Variants in OXR1 observed in about 807,000 individuals in gnomAD.
OXR1 encodes the protein oxidation resistance protein 1.
OXR1 carries 41 observed loss-of-function variants against 104.6 expected under a neutral mutation model. The observed-to-expected ratio is 0.39, with a 90% CI of 0.31 to 0.51. The LOEUF (loss-of-function observed/expected upper bound fraction) is 0.51, where lower values mean the gene tolerates loss of function less well. Among genes scored for constraint, OXR1 ranks in the 20% least tolerant of loss-of-function variants. OXR1 has a pLI of 0.77. For missense variants in OXR1, 955 were observed against 1,031.9 expected, an observed-to-expected ratio of 0.93 and a Z score of 1.02; for synonymous variants, 348 against 348.4, an observed-to-expected ratio of 1.00 and a Z score of 0.01.
chr8:106,710,601 CTGTT>C lies in OXR1; in HGVS notation c.1625-18_1625-15del, dbSNP rs770853389. 1.3e-6 allele frequency: 2 copies of C among 1,515,690 alleles called. No homozygotes were observed. The highest frequency in any genetic ancestry group is 1.8e-6 in the Non-Finnish European group (2 of 1,126,470). 93.9% of individuals were successfully genotyped at this position (1,515,690 alleles called of 1,614,324 possible). A position where few individuals can be genotyped will look rare whatever the true frequency, so the allele number is the denominator to read the frequency against. ...TTGGTGTGTGAGAATTGAATAAACA[CTGTT>C]TGCATCTCAATTCTAGGTTCTGCAC... On this transcript the variant is annotated splice_polypyrimidine_tract_variant and intron_variant, in intron 9 of 16. Coordinates refer to ENST00000517566, the MANE Select transcript of OXR1 (RefSeq NM_001198533.2).
intron 2 of OXR1, among the ~76,000 whole-genome samples, chr8:106,503,820 A>C (rs1259305515): frequency 6.6e-6 from 1 of 152,164 alleles, no homozygotes; most frequent in Non-Finnish European, 1.5e-5. Flanking sequence ...CAAGAATCTT[A>C]GTTCTCTTCT....
At chr8:106,474,128 GT>G (rs1196447950) in intron 2 of OXR1, among the ~76,000 whole-genome samples, 34 of 136,852 alleles carry the variant, frequency 2.5e-4, no homozygotes, top group Admixed American at 3.0e-4. Flanking sequence ...CTAAAGTTTT[GT>G]TTTTTTTTTT....
chr8:106,656,821 TAAA>T (rs79415263), intron 3 of OXR1, among the ~76,000 whole-genome samples: 3 of 118,792 alleles, frequency 2.5e-5, no homozygotes. Context: ...GTCAACCAGT[TAAA>T]AAAAAAAAAA....
chr8:106,567,737 G>T (rs971288766), intron 3 of OXR1, among the ~76,000 whole-genome samples: 22 of 152,088 alleles, frequency 1.4e-4, no homozygotes, highest in Non-Finnish European at 8.8e-5. Context: ...ACCAAATAAA[G>T]GTAATGAAAA....
rs1248033680 is a variant in OXR1, at chr8:106,462,262, A to G, written c.24-56681A>G. 2.6e-5 allele frequency among the ~76,000 whole-genome samples: 4 copies of G among 152,276 alleles called. No individual in the cohort carries two copies. The East Asian group carries it at 7.7e-4, about 29-fold the overall frequency. ...ATTTATGTATTCACATTCCTATAAT[A>G]GTTTTTATTAAACTTTAAAAGTTAC... On this transcript the variant is annotated intron_variant, in intron 2 of 16. Transcript: ENST00000517566.
chr8:106,604,684 A>C (rs1001371719), intron 3 of OXR1: 5 of 152,238 alleles, frequency 3.3e-5, no homozygotes, highest in Admixed American at 6.5e-5. Context: ...TCTAGGAAAC[A>C]GATGCTTAAC....
At chr8:106,675,417 G>T (rs569715271) in intron 3 of OXR1, among the ~76,000 whole-genome samples, 1 of 152,014 alleles carries the variant, frequency 6.6e-6, no homozygotes, top group Admixed American at 6.6e-5. Context: ...CATATATGGG[G>T]CATTTACAAA....
chr8:106,483,548 C>T (rs1302125772), intron 2 of OXR1, among the ~76,000 whole-genome samples: 1 of 151,686 alleles, frequency 6.6e-6, no homozygotes, highest in Non-Finnish European at 1.5e-5. Flanking sequence ...TCCACTTAAC[C>T]CCATCTGCAC....
At chr8:106,534,489 G>C (rs968809995) in intron 3 of OXR1, among the ~76,000 whole-genome samples, 9 of 152,178 alleles carry the variant, frequency 5.9e-5, no homozygotes, top group African/African-American at 2.2e-4. Flanking sequence ...AGTAGTAATG[G>C]ATAAAATTGT....
chr8:106,457,794 T>C (rs551854181), intron 2 of OXR1, among the ~76,000 whole-genome samples: 1 of 152,260 alleles, frequency 6.6e-6, no homozygotes, highest in East Asian at 1.9e-4. Context: ...AGGCCATCCT[T>C]CTTACAAAAT....
intron 3 of OXR1, among the ~76,000 whole-genome samples, chr8:106,541,737 T>C (rs558561306): frequency 5.3e-5 from 8 of 152,164 alleles, no homozygotes; most frequent in Admixed American, 1.3e-4. Context: ...TCAGTGAGGG[T>C]TGGAGAAGCA....
chr8:106,479,250 T>C (rs1821974140), intron 2 of OXR1, among the ~76,000 whole-genome samples: 1 of 152,016 alleles, frequency 6.6e-6, no homozygotes, highest in Admixed American at 6.6e-5. Flanking sequence ...TCTCTAGGAT[T>C]GTGCCTGTTT....
intron 2 of OXR1, among the ~76,000 whole-genome samples, chr8:106,451,302 T>C (rs1171632251): frequency 2.0e-5 from 3 of 152,216 alleles, no homozygotes; most frequent in Admixed American, 2.0e-4. Context: ...TCATTGCAAT[T>C]GGAAATCTTA....
At chr8:106,579,667 C>T (rs1001622771) in intron 3 of OXR1, among the ~76,000 whole-genome samples, 1 of 151,930 alleles carries the variant, frequency 6.6e-6, no homozygotes, top group Non-Finnish European at 1.5e-5. Context: ...AGAAAGGTTA[C>T]ATAACTTGTC....
At chr8:106,374,337 T>A (rs752327637) in intron 2 of OXR1, among the ~76,000 whole-genome samples, 1 of 152,222 alleles carries the variant, frequency 6.6e-6, no homozygotes, top group African/African-American at 2.4e-5. Flanking sequence ...TTTTAATGAT[T>A]ACATTTTCTT....
intron 3 of OXR1, among the ~76,000 whole-genome samples, chr8:106,672,562 A>C (rs1487538896): frequency 1.3e-5 from 2 of 151,916 alleles, no homozygotes; most frequent in Non-Finnish European, 2.9e-5. Flanking sequence ...GAGAGAAAGG[A>C]AGGAAGGGAA....
At chr8:106,352,797 G>C (rs1815788757) in intron 1 of OXR1, among the ~76,000 whole-genome samples, 1 of 152,178 alleles carries the variant, frequency 6.6e-6, no homozygotes. Flanking sequence ...AGATATCGAA[G>C]TAGATATAGA....
intron 1 of OXR1, among the ~76,000 whole-genome samples, chr8:106,339,537 T>C (rs866524310): frequency 4.0e-5 from 4 of 101,112 alleles, no homozygotes; most frequent in African/African-American, 1.9e-4. Flanking sequence ...TATATATATA[T>C]ATATATATAT....
At chr8:106,657,122 T>C (rs953718035) in intron 3 of OXR1, among the ~76,000 whole-genome samples, 5 of 152,194 alleles carry the variant, frequency 3.3e-5, no homozygotes, top group African/African-American at 1.2e-4. Context: ...GTTCTTTCCC[T>C]GTCTAGGTTC....
Sources: allele counts gnomAD v4.1 joint callset (sites outside exome capture counted in the v4.1 genomes callset), GRCh38; gene constraint gnomAD v4.1.1; transcripts MANE v1.5; gene names NCBI Gene and HGNC (gene_info 2026-07-23, HGNC 2026-07-21).